DLGAP2: variants seen among roughly 807,000 people sequenced by gnomAD.
The protein encoded by DLGAP2 is disks large-associated protein 2.
A neutral mutation model predicts 100.3 loss-of-function variants in DLGAP2; 26 were observed. The observed-to-expected ratio is 0.26, with a 90% confidence interval of 0.19 to 0.36. DLGAP2 has a LOEUF of 0.36. Ranked by LOEUF, DLGAP2 falls within the 10% of genes least tolerant of loss-of-function variation. The pLI is 1.00. For missense variants in DLGAP2, 1,858 were observed against 1,453.2 expected (o/e 1.28, Z -4.53); for synonymous variants, 886 against 630.1 (o/e 1.41, Z -6.08).
chr8:803,836 A>G (rs548352800), intron 1 of DLGAP2, among the ~76,000 whole-genome samples: 1 of 152,350 alleles, frequency 6.6e-6, no homozygotes, highest in East Asian at 1.9e-4. Context: ...TTTGCACTGC[A>G]CTATTGATTA....
At chr8:1,496,575 C>G (rs897287379) in intron 3 of DLGAP2, among the ~76,000 whole-genome samples, 3 of 152,146 alleles carry the variant, frequency 2.0e-5, no homozygotes, top group African/African-American at 7.2e-5. Flanking sequence ...CAAAGGAAGG[C>G]AAACGTGGCG....
chr8:846,756 A>G (rs1797078103), intron 1 of DLGAP2, among the ~76,000 whole-genome samples: 1 of 152,084 alleles, frequency 6.6e-6, no homozygotes, highest in African/African-American at 2.4e-5. Flanking sequence ...TCTTTCCTCC[A>G]CATCCTTCCT....
intron 2 of DLGAP2, among the ~76,000 whole-genome samples, chr8:1,118,262 T>G (rs1348094171): frequency 6.6e-6 from 1 of 152,210 alleles, no homozygotes; most frequent in Non-Finnish European, 1.5e-5. Context: ...GGGGAACTTC[T>G]TCAGCTTCAC....
At chr8:892,619 G>A (rs572505485) in intron 1 of DLGAP2, among the ~76,000 whole-genome samples, 5 of 152,190 alleles carry the variant, frequency 3.3e-5, no homozygotes, top group East Asian at 1.9e-4. Flanking sequence ...GTTTAGCTGC[G>A]TGGCTTCCCT....
chr8:1,537,028 G>A (rs1284247976), intron 4 of DLGAP2, among the ~76,000 whole-genome samples: 5 of 151,982 alleles, frequency 3.3e-5, no homozygotes, highest in African/African-American at 1.2e-4. Context: ...ACACCTCGGA[G>A]AAGTAGTCAG....
intron 4 of DLGAP2, among the ~76,000 whole-genome samples, chr8:1,528,863 G>A (rs575976885): frequency 6.6e-6 from 1 of 152,148 alleles, no homozygotes; most frequent in South Asian, 2.1e-4. Context: ...GATTTCCTAG[G>A]TGCTTCCAGG....
At chr8:1,585,723 C>T (rs1046765653) in intron 6 of DLGAP2, among the ~76,000 whole-genome samples, 10 of 152,214 alleles carry the variant, frequency 6.6e-5, no homozygotes, top group African/African-American at 2.2e-4. Flanking sequence ...GTGGGCAGTG[C>T]CTGGGCAGTA....
At chr8:1,162,158 G>A (rs1317430817) in intron 2 of DLGAP2, among the ~76,000 whole-genome samples, 1 of 152,244 alleles carries the variant, frequency 6.6e-6, no homozygotes, top group African/African-American at 2.4e-5. Flanking sequence ...CCTCCCGGCA[G>A]CAGGGGCGGC....
Position 1,626,721 on chromosome 8 carries a change from C to T in DLGAP2, c.1443-19C>T. 2 of 1,583,766 alleles carry T rather than the reference C, an allele frequency of 1.3e-6. No homozygotes were observed. Among genetic ancestry groups the T allele is most frequent in the Non-Finnish European group, 8.6e-7 (1 of 1,165,272 alleles). ...CGGGTGCTCACAGAATGCCTTTTCTCCTTTCTTCTTTCCTGTAGCCAGACC... is the reference window on the plus strand; with the variant it reads ...CGGGTGCTCACAGAATGCCTTTTCTTCTTTCTTCTTTCCTGTAGCCAGACC... On this transcript the variant is annotated intron_variant, in intron 6 of 14. Transcript: ENST00000637795.
chr8:1,483,514 A>AGGC (rs1799157860), intron 3 of DLGAP2, among the ~76,000 whole-genome samples: 9 of 139,680 alleles, frequency 6.4e-5, no homozygotes, highest in African/African-American at 2.7e-4. Flanking sequence ...AGGACAAGGG[A>AGGC]AGGCTGAACT....
rs1324685839 is a variant in DLGAP2 at position 1,632,847 on chromosome 8, T to C, written c.1611T>C (p.Asn537=). Residue 537 remains asparagine, a synonymous_variant, in exon 8 of 15, where the codon AAT becomes AAC. Coordinates refer to ENST00000637795, the MANE Select transcript of DLGAP2 (RefSeq NM_001346810.2). ...CVSQVSEAEI[N]GQFESVCESV... is the part of the protein sequence containing the mutation. ...TGCAGGTGAGCGAGGCGGAGATCAATGGGCAATTCGAGTCCGTGTGCGAGT... is the reference window on the plus strand; with the variant it reads ...TGCAGGTGAGCGAGGCGGAGATCAACGGGCAATTCGAGTCCGTGTGCGAGT... 1.2e-6 allele frequency: 2 copies of C among 1,612,288 alleles called. No individual in the cohort carries two copies. The highest frequency in any genetic ancestry group is 2.2e-5 in the East Asian group (1 of 44,834).
At chr8:1,555,280 G>C (rs1486266008) in intron 5 of DLGAP2, among the ~76,000 whole-genome samples, 1 of 152,154 alleles carries the variant, frequency 6.6e-6, no homozygotes, top group Non-Finnish European at 1.5e-5. Context: ...GCCACCAGCT[G>C]CCCCATCCAT....
intron 13 of DLGAP2, among the ~76,000 whole-genome samples, chr8:1,692,910 A>G (rs1799289720): frequency 1.3e-5 from 2 of 148,648 alleles, no homozygotes; most frequent in East Asian, 3.9e-4. Flanking sequence ...ATATATATAC[A>G]CATATTAATA....
At chr8:1,632,458 T>C (rs532312932) in intron 7 of DLGAP2, among the ~76,000 whole-genome samples, 2 of 152,312 alleles carry the variant, frequency 1.3e-5, no homozygotes, top group East Asian at 1.9e-4. Flanking sequence ...GGGGCCGTCA[T>C]GTGGGAAAGG....
At chr8:758,029 C>T (rs1167716378) in intron 1 of DLGAP2, among the ~76,000 whole-genome samples, 1 of 152,146 alleles carries the variant, frequency 6.6e-6, no homozygotes, top group African/African-American at 2.4e-5. Flanking sequence ...TGTCCCTGCC[C>T]TGTTATTTTA....
chr8:1,518,378 C>T (rs926057865), intron 4 of DLGAP2, among the ~76,000 whole-genome samples: 1 of 152,026 alleles, frequency 6.6e-6, no homozygotes, highest in African/African-American at 2.4e-5. Flanking sequence ...TGTGGCAAAC[C>T]GAGTGGAGGT....
At chr8:1,079,714 G>A (rs1563180779) in intron 2 of DLGAP2, among the ~76,000 whole-genome samples, 1 of 152,188 alleles carries the variant, frequency 6.6e-6, no homozygotes, top group Non-Finnish European at 1.5e-5. Context: ...TTATAATCCA[G>A]TTGGGAGGAC....
At chr8:1,679,215 T>A (rs6558508) in intron 12 of DLGAP2, among the ~76,000 whole-genome samples, 4,162 of 127,620 alleles carry the variant, frequency 0.033, 257 homozygotes, top group African/African-American at 0.13. Flanking sequence ...CCACCAAAGG[T>A]CTCACTCCTG....
intron 1 of DLGAP2, among the ~76,000 whole-genome samples, chr8:907,152 T>C (rs1331134676): frequency 6.6e-6 from 1 of 152,204 alleles, no homozygotes; most frequent in Non-Finnish European, 1.5e-5. Context: ...GAACAGGTAA[T>C]AAGCAGAGAC....
Sources: allele counts gnomAD v4.1 joint callset (sites outside exome capture counted in the v4.1 genomes callset), GRCh38; gene constraint gnomAD v4.1.1; transcripts MANE v1.5; gene names NCBI Gene and HGNC (gene_info 2026-07-23, HGNC 2026-07-21).